Variants in MSI2 observed in about 807,000 individuals in gnomAD.
The protein encoded by MSI2 is RNA-binding protein Musashi homolog 2.
In MSI2, 17 loss-of-function variants were observed where a neutral mutation model predicts 45.6. The observed-to-expected ratio is 0.37, with a 90% CI of 0.26 to 0.56. The LOEUF (loss-of-function observed/expected upper bound fraction) is 0.56. Ranked by LOEUF, MSI2 falls within the 20% of genes least tolerant of loss-of-function variation. The probability of loss-of-function intolerance (pLI) is 0.77; values close to 1 mark genes in which losing one functional copy is unlikely to be tolerated. For missense variants in MSI2, 293 were observed against 444.2 expected (o/e 0.66, Z 3.06); for synonymous variants, 156 against 158.2 (o/e 0.99, Z 0.11).
At chr17:57,422,653 A>G (rs1365101236) in intron 6 of MSI2, among the ~76,000 whole-genome samples, 1 of 152,198 alleles carries the variant, frequency 6.6e-6, no homozygotes, top group Non-Finnish European at 1.5e-5. Flanking sequence ...TCCAGCCATC[A>G]TTGTCACCGC....
At chr17:57,637,406 A>C (rs534435975) in intron 10 of MSI2, among the ~76,000 whole-genome samples, 24 of 152,206 alleles carry the variant, frequency 1.6e-4, no homozygotes, top group Non-Finnish European at 2.9e-4. Flanking sequence ...CACGGTGCCT[A>C]ATAGGCACTT....
At chr17:57,498,349 A>G (rs571905328) in intron 6 of MSI2, among the ~76,000 whole-genome samples, 64 of 152,382 alleles carry the variant, frequency 4.2e-4, no homozygotes, top group African/African-American at 1.4e-3. Context: ...TTAAATGAGT[A>G]GCTAAGTATC....
intron 6 of MSI2, among the ~76,000 whole-genome samples, chr17:57,418,370 ATG>A (rs2084334173): frequency 6.6e-6 from 1 of 152,246 alleles, no homozygotes; most frequent in South Asian, 2.1e-4. Flanking sequence ...ATGTAGGCAC[ATG>A]TCAGAAAGGT....
rs574345823 is a variant in MSI2, at chr17:57,281,409, CA to C, written c.312+19220del. 4.8e-3 allele frequency among the ~76,000 whole-genome samples: 727 copies of C among 152,280 alleles called. 5 individuals are homozygous for C. The highest frequency in any genetic ancestry group is 7.2e-3 in the Non-Finnish European group (493 of 68,018). On this transcript the variant is annotated intron_variant, in intron 5 of 13. Coordinates refer to ENST00000284073, the MANE Select transcript of MSI2 (RefSeq NM_138962.4). ...ATAATCATACTTCCCTACTGAACTCCAAAGACTGAAAATGATGCAAAGTGAA... is the reference window on the plus strand; with the variant it reads ...ATAATCATACTTCCCTACTGAACTCCAAGACTGAAAATGATGCAAAGTGAA...
At chr17:57,331,332 C>T (rs1401108351) in intron 5 of MSI2, among the ~76,000 whole-genome samples, 3 of 152,156 alleles carry the variant, frequency 2.0e-5, no homozygotes, top group African/African-American at 7.2e-5. Context: ...ACCTGGAACC[C>T]AACGCAGACC....
intron 6 of MSI2, among the ~76,000 whole-genome samples, chr17:57,478,206 C>T (rs2085579363): frequency 6.6e-6 from 1 of 152,188 alleles, no homozygotes; most frequent in African/African-American, 2.4e-5. Flanking sequence ...CCAGAGGCCC[C>T]CTCTTTAGCT....
chr17:57,563,684 ACTGTCTGTCTGT>A (rs369283545), intron 7 of MSI2, among the ~76,000 whole-genome samples: 52 of 145,066 alleles, frequency 3.6e-4, no homozygotes, highest in Non-Finnish European at 1.5e-5. Flanking sequence ...TTAGTGGCTG[ACTGTCTGTCTGT>A]CTGTCTGTCT....
chr17:57,299,016 C>T (rs547263695), intron 5 of MSI2, among the ~76,000 whole-genome samples: 1 of 152,366 alleles, frequency 6.6e-6, no homozygotes, highest in African/African-American at 2.4e-5. Context: ...TCTACATCAG[C>T]ACTTGCTGTA....
intron 5 of MSI2, among the ~76,000 whole-genome samples, chr17:57,307,181 G>A (rs1233132388): frequency 1.3e-5 from 2 of 152,188 alleles, no homozygotes; most frequent in African/African-American, 2.4e-5. Flanking sequence ...TTAGGCCTAT[G>A]GTGCCCAATT....
intron 5 of MSI2, among the ~76,000 whole-genome samples, chr17:57,293,587 G>GTTTTTTTTTTTTTT (rs769797340): frequency 4.6e-5 from 3 of 65,372 alleles, no homozygotes; most frequent in South Asian, 1.2e-3. Context: ...GTGCTTTATT[G>GTTTTTTTTTTTTTT]TTTTTTTGTT....
the MSI2 span, among the ~76,000 whole-genome samples, chr17:57,692,810 GT>G: frequency 6.7e-6 from 1 of 149,414 alleles, no homozygotes. Flanking sequence ...ATCTACTGTT[GT>G]TTTTTTCTTA....
intron 2 of MSI2, 40 bp from the exon 3 acceptor site, chr17:57,257,426 C>A (rs1193026599): frequency 8.9e-7 from 1 of 1,128,952 alleles, no homozygotes. Flanking sequence ...TTTTCCACAC[C>A]TTCTCTCCCC....
intron 6 of MSI2, among the ~76,000 whole-genome samples, chr17:57,500,161 G>A (rs148521610): frequency 5.3e-5 from 8 of 152,194 alleles, no homozygotes; most frequent in African/African-American, 1.9e-4. Flanking sequence ...AGGACGGGTA[G>A]GAGGTCTTAT....
At chr17:57,288,564 C>T (rs999317145) in intron 5 of MSI2, among the ~76,000 whole-genome samples, 9 of 152,158 alleles carry the variant, frequency 5.9e-5, no homozygotes, top group African/African-American at 2.2e-4. Flanking sequence ...GCACCGGAGA[C>T]TGAGGGAGGT....
intron 7 of MSI2, among the ~76,000 whole-genome samples, chr17:57,582,051 T>A (rs2088221118): frequency 6.6e-6 from 1 of 152,150 alleles, no homozygotes; most frequent in African/African-American, 2.4e-5. Context: ...ACCCAGGAGA[T>A]CCTGAAATTG....
intron 5 of MSI2, among the ~76,000 whole-genome samples, chr17:57,335,891 T>C (rs1914658512): frequency 6.6e-6 from 1 of 152,054 alleles, no homozygotes; most frequent in Non-Finnish European, 1.5e-5. Flanking sequence ...TATTTGGGGC[T>C]AGTGGAAGGA....
chr17:57,534,923 AG>A (rs1445453038), intron 7 of MSI2, among the ~76,000 whole-genome samples: 2 of 152,160 alleles, frequency 1.3e-5, no homozygotes, highest in Non-Finnish European at 2.9e-5. Context: ...AATCATTAGG[AG>A]GGGGAAGTTT....
At chr17:57,297,253 C>A (rs904073884) in intron 5 of MSI2, among the ~76,000 whole-genome samples, 2 of 150,980 alleles carry the variant, frequency 1.3e-5, no homozygotes, top group Non-Finnish European at 2.9e-5. Context: ...TACAGGCACA[C>A]CTTGGAGATA....
chr17:57,651,213 A>C (rs148583678), intron 10 of MSI2, among the ~76,000 whole-genome samples: 2 of 152,062 alleles, frequency 1.3e-5, no homozygotes, highest in Non-Finnish European at 2.9e-5. Context: ...CCTCCTGACT[A>C]TTATTCCCGT....
Sources: allele counts gnomAD v4.1 joint callset (sites outside exome capture counted in the v4.1 genomes callset), GRCh38; gene constraint gnomAD v4.1.1; transcripts MANE v1.5; gene names NCBI Gene and HGNC (gene_info 2026-07-23, HGNC 2026-07-21).